Variants in CWC27 observed in about 807,000 individuals in gnomAD.
CWC27 encodes CWC27 spliceosome associated cyclophilin.
Under a neutral mutation model 63.6 loss-of-function variants are expected in CWC27, and 47 were observed. The observed-to-expected ratio is 0.74, with a 90% CI of 0.58 to 0.94. CWC27 has a LOEUF of 0.94. Among genes scored for constraint, CWC27 ranks in the 40% least tolerant of loss-of-function variants. The probability of loss-of-function intolerance (pLI) is 0.00; values close to 1 mark genes in which losing one functional copy is unlikely to be tolerated. For synonymous variants in CWC27, 175 were observed against 179.8 expected, an observed-to-expected ratio of 0.97 and a Z score of 0.22; for missense variants, 495 against 554.3, an observed-to-expected ratio of 0.89 and a Z score of 1.07.
chr5:65,012,546 G>A (rs1305905542), intron 13 of CWC27, among the ~76,000 whole-genome samples: 1 of 152,128 alleles, frequency 6.6e-6, no homozygotes, highest in Non-Finnish European at 1.5e-5. Context: ...GTAGGGCCTG[G>A]GTCATATTTG....
chr5:64,807,844 C>G (rs140589777), intron 10 of CWC27: 3 of 1,522,638 alleles, frequency 2.0e-6, no homozygotes, highest in Non-Finnish European at 1.8e-6. Context: ...TTCTCTTCCC[C>G]GCTTCGAGAG....
At chr5:64,985,958 G>T (rs1749417036) in intron 13 of CWC27, among the ~76,000 whole-genome samples, 1 of 152,110 alleles carries the variant, frequency 6.6e-6, no homozygotes, top group African/African-American at 2.4e-5. Flanking sequence ...ATAATCAAGG[G>T]CAGGACCAGG....
chr5:64,939,986 C>G (rs1170989180), intron 11 of CWC27, among the ~76,000 whole-genome samples: 5 of 152,194 alleles, frequency 3.3e-5, no homozygotes, highest in Non-Finnish European at 7.4e-5. Context: ...TGGGGTGTCC[C>G]AGGTCAACTT....
intron 1 of CWC27, among the ~76,000 whole-genome samples, chr5:64,774,092 G>C (rs1183909949): frequency 6.6e-6 from 1 of 152,098 alleles, no homozygotes; most frequent in Non-Finnish European, 1.5e-5. Flanking sequence ...TTGCTACACA[G>C]TTTTATTGGA....
chr5:64,948,433 A>G (rs1026023325), intron 11 of CWC27, among the ~76,000 whole-genome samples: 1 of 151,874 alleles, frequency 6.6e-6, no homozygotes, highest in Non-Finnish European at 1.5e-5. Context: ...TATCTAGTAG[A>G]TGTACTAACC....
At chr5:64,892,549 C>T (rs1048621068) in intron 11 of CWC27, among the ~76,000 whole-genome samples, 4 of 152,168 alleles carry the variant, frequency 2.6e-5, no homozygotes, top group East Asian at 1.9e-4. Context: ...TATAAACACA[C>T]GTGTTTTTTT....
intron 13 of CWC27, among the ~76,000 whole-genome samples, chr5:65,006,970 G>T (rs1749853886): frequency 1.1e-5 from 1 of 88,914 alleles, no homozygotes; most frequent in African/African-American, 5.7e-5. Context: ...CAGAAAGAAA[G>T]AAAGAAAGAA....
At chr5:64,850,558 A>G (rs543925096) in intron 10 of CWC27, among the ~76,000 whole-genome samples, 29 of 152,198 alleles carry the variant, frequency 1.9e-4, no homozygotes, top group Non-Finnish European at 3.8e-4. Context: ...AAAAATAGAT[A>G]AGTGGGATTA....
chr5:64,941,108 T>C (rs1748470757), intron 11 of CWC27, among the ~76,000 whole-genome samples: 1 of 152,146 alleles, frequency 6.6e-6, no homozygotes, highest in African/African-American at 2.4e-5. Flanking sequence ...TATTTTGATA[T>C]GTTCCTATTA....
intron 11 of CWC27, among the ~76,000 whole-genome samples, chr5:64,908,580 A>G (rs1747713740): frequency 6.6e-6 from 1 of 152,176 alleles, no homozygotes; most frequent in Admixed American, 6.5e-5. Context: ...TTTTGGCTGC[A>G]TATATATTTA....
In CWC27 at chr5:64,845,106, G is replaced by A. The variant is rs564457532; in HGVS notation, c.939-40337G>A. The A allele has an allele frequency of 3.1e-4, 138 of 441,918 alleles. 2 individuals carry two copies. The highest frequency in any genetic ancestry group is 2.1e-3 in the South Asian group (133 of 62,386). 27.4% of individuals were successfully genotyped at this position (441,918 alleles called of 1,614,324 possible). ...GCCACTGATCTCACCAGACAGTGGA[G>A]TCTATCCAGCAGCCCCATGTAACAT... On this transcript the variant is annotated intron_variant, in intron 10 of 13. Transcript: ENST00000381070.
At chr5:64,778,029 A>G (rs1743521443) in intron 2 of CWC27, among the ~76,000 whole-genome samples, 3 of 152,208 alleles carry the variant, frequency 2.0e-5, no homozygotes, top group Admixed American at 2.0e-4. Context: ...TAAAATAAAA[A>G]GCCAGCATCA....
rs375122967 is a variant in CWC27 at position 64,946,534 on chromosome 5, T to C, written c.1043-25169T>C. On this transcript the variant is annotated intron_variant, in intron 11 of 13. Transcript: ENST00000381070. ...AGAATAGTGTGATGGGCATTCAGAT[T>C]CACTGTTCAGTGACAAAAAGACTGG... Among the ~76,000 whole-genome samples, 3 of 152,234 alleles carry C rather than the reference T, an allele frequency of 2.0e-5. No homozygotes were observed. In the South Asian group the frequency reaches 6.2e-4, roughly 32 times the overall value.
rs760775772 is a variant in CWC27 at position 64,804,253 on chromosome 5, C to A, written c.805C>A (p.His269Asn). The A allele has an allele frequency of 2.5e-6, 4 of 1,610,578 alleles. No homozygotes were observed. The South Asian group carries it at 4.4e-5, about 18-fold the overall frequency. Residue 269 changes from histidine (H) to asparagine (N), a missense_variant, in exon 10 of 14, where the codon CAT (histidine) becomes AAT (asparagine). Physicochemically the swap from His to Asn is moderately conservative, Grantham distance 68. Around this residue, in one of 3 missense-constraint regions of CWC27, gnomAD observed 463 missense variants for 498.1 expected, o/e 0.93. Transcript: ENST00000381070. ...VDDGEDESAEHDEYIDGDEKN... is the reference protein window; with the variant it reads ...VDDGEDESAENDEYIDGDEKN... ...GGATGGAGAAGATGAAAGTGCAGAG[C>A]ATGATGAATATATTGATGGTGATGA...
chr5:64,828,325 G>A (rs1278567239), intron 10 of CWC27, among the ~76,000 whole-genome samples: 1 of 152,072 alleles, frequency 6.6e-6, no homozygotes, highest in African/African-American at 2.4e-5. Flanking sequence ...ATAGAATTAT[G>A]GAAGTTTAAA....
In CWC27 at chr5:64,829,457, G is replaced by A. The variant is rs147857250; in HGVS notation, c.938+25071G>A. 1.3e-3 allele frequency among the ~76,000 whole-genome samples: 205 copies of A among 151,926 alleles called. 1 individual carries two copies. Among genetic ancestry groups the A allele is most frequent in the African/African-American group, 4.3e-3 (180 of 41,426 alleles). The stretch of plus-strand genomic sequence containing the variant: ...CTCTACTAGTAAAAAAACAGGTATC[G>A]AGAAAGAAATATGTAACTTACATTT... On this transcript the variant is annotated intron_variant, in intron 10 of 13. Coordinates refer to ENST00000381070, the MANE Select transcript of CWC27 (RefSeq NM_005869.4).
intron 10 of CWC27, among the ~76,000 whole-genome samples, chr5:64,815,890 C>T (rs1001522613): frequency 2.6e-5 from 4 of 151,974 alleles, no homozygotes; most frequent in Non-Finnish European, 5.9e-5. Context: ...CTTAAGAATC[C>T]TTTGGTTATA....
At chr5:64,935,128 TTG>T (rs1748320206) in intron 11 of CWC27, among the ~76,000 whole-genome samples, 1 of 152,230 alleles carries the variant, frequency 6.6e-6, no homozygotes, top group South Asian at 2.1e-4. Flanking sequence ...TTTGTCAATT[TTG>T]GCTTTCGTTG....
chr5:64,999,582 G>T (rs975096595), intron 13 of CWC27, among the ~76,000 whole-genome samples: 1 of 152,032 alleles, frequency 6.6e-6, no homozygotes, highest in African/African-American at 2.4e-5. Flanking sequence ...GTGAGAATAT[G>T]CAGTATTTCA....
Sources: gnomAD v4.1 joint callset for allele counts (sites outside exome capture counted in the v4.1 genomes callset) on GRCh38, gnomAD v4.1.1 for gene constraint, gnomAD v4.1.1 regional missense constraint, MANE v1.5 for transcripts, NCBI Gene and HGNC (gene_info 2026-07-23, HGNC 2026-07-21) for gene names.